The following INSR variants were observed in gnomAD, a reference collection of about 807,000 sequenced individuals.
INSR encodes the protein IR.
A neutral mutation model predicts 142.6 loss-of-function variants in INSR; 67 were observed. The observed-to-expected ratio is 0.47, with a 90% CI of 0.39 to 0.58. The LOEUF is 0.58. Among genes scored for constraint, INSR ranks in the 20% least tolerant of loss-of-function variants. INSR has a pLI of 0.00. For missense variants in INSR, 1,248 were observed against 1,833.2 expected (o/e 0.68, Z 5.83); for synonymous variants, 756 against 743.1 (o/e 1.02, Z -0.28).
chr19:7,268,017 G>A lies in INSR; in HGVS notation c.101-121C>T, dbSNP rs1967793690. ...AACCTGGGCCCTGTGTTTTCATCCC[G>A]GGCCCTGTAAACTCTGCAGCCAGCC... On this transcript the variant is annotated intron_variant, in intron 1 of 21. Coordinates refer to ENST00000302850, the MANE Select transcript of INSR (RefSeq NM_000208.4). 6 of 864,024 alleles carry A rather than the reference G, an allele frequency of 6.9e-6. 1 individual carries two copies. The highest frequency in any genetic ancestry group is 4.3e-5 in the South Asian group (3 of 69,282). 53.5% of individuals were successfully genotyped at this position (864,024 alleles called of 1,614,324 possible). A position where few individuals can be genotyped will look rare whatever the true frequency, so the allele number is the denominator to read the frequency against.
At chr19:7,256,204 A>T (rs1392635352) in intron 2 of INSR, among the ~76,000 whole-genome samples, 1 of 152,166 alleles carries the variant, frequency 6.6e-6, no homozygotes, top group African/African-American at 2.4e-5. Context: ...TTGGGAGGCC[A>T]AAGTGGGAGG....
Position 7,168,053 on chromosome 19 carries a change from A to C in INSR, c.1525T>G (p.Phe509Val), listed in dbSNP as rs766120185. ...LLKFSYIRTS[F>V]DKILLRWEPY... ...TCCCATCTCAGCAAGATCTTGTCAA[A>C]AGATGTCCGAATGTAAGAAAATTTA... is the stretch of plus-strand genomic sequence containing the variant. The change falls in exon 7 of 22, where the codon TTT becomes GTT. Residue 509 changes from phenylalanine to valine, a missense_variant. Phe to Val is a conservative substitution (Grantham distance 50). This residue lies in a region of INSR where 1,069 missense variants were observed against 1,654.0 expected (regional missense o/e 0.65). Coordinates refer to ENST00000302850, the MANE Select transcript of INSR (RefSeq NM_000208.4). This position sits in a 1 kb window ranked among gnomAD's most constrained non-coding sequence, Gnocchi z 4.3. 23 of 1,614,076 alleles carry C rather than the reference A, an allele frequency of 1.4e-5. No individual in the cohort carries two copies. Among genetic ancestry groups the C allele is most frequent in the Non-Finnish European group, 1.9e-5 (23 of 1,179,958 alleles).
chr19:7,187,590 T>G (rs1974463787), intron 2 of INSR, among the ~76,000 whole-genome samples: 1 of 152,272 alleles, frequency 6.6e-6, no homozygotes, highest in Non-Finnish European at 1.5e-5. Context: ...TTTGGGTGTG[T>G]GATGGGGTCT....
chr19:7,211,886 C>T (rs145507931), intron 2 of INSR, among the ~76,000 whole-genome samples: 9 of 142,750 alleles, frequency 6.3e-5, no homozygotes, highest in African/African-American at 1.5e-4. Flanking sequence ...ACGGGCTACA[C>T]GCCTTCTCCT....
chr19:7,233,058 A>C (rs1416516719), intron 2 of INSR, among the ~76,000 whole-genome samples: 2 of 151,984 alleles, frequency 1.3e-5, no homozygotes, highest in Non-Finnish European at 2.9e-5. Context: ...CCACCTCGCC[A>C]TCTCGGCTCA....
chr19:7,236,031 T>C (rs1976149566), intron 2 of INSR, among the ~76,000 whole-genome samples: 1 of 148,516 alleles, frequency 6.7e-6, no homozygotes, highest in African/African-American at 2.5e-5. Context: ...TGGAGTGCAG[T>C]GGTGCGATCT....
intron 2 of INSR, among the ~76,000 whole-genome samples, chr19:7,215,483 A>G (rs1459363512): frequency 6.6e-6 from 1 of 152,032 alleles, no homozygotes; most frequent in Non-Finnish European, 1.5e-5. Flanking sequence ...AAAGACAGAA[A>G]AAGACTCAAA....
Position 7,152,788 on chromosome 19 carries a change from C to T in INSR, c.2169G>A (p.Leu723=). The change falls in exon 10 of 22, where the codon CTG becomes CTA. Residue 723 remains leucine (L), a synonymous_variant. Coordinates refer to ENST00000302850, the MANE Select transcript of INSR (RefSeq NM_000208.4). The stretch of plus-strand genomic sequence containing the variant: ...ACGTCTTCCTAAACGAGGACTCCTC[C>T]AGCTCCTTCAGGATCTGAGAGTCTG... ...PKTDSQILKE[L]EESSFRKTFE... is the part of the protein sequence containing the mutation. 6.2e-7 allele frequency: 1 copy of T among 1,613,462 alleles called. No homozygotes were observed. The highest frequency in any genetic ancestry group is 8.5e-7 in the Non-Finnish European group (1 of 1,179,964).
At chr19:7,184,059 T>C (rs1974347182) in intron 3 of INSR, among the ~76,000 whole-genome samples, 1 of 67,480 alleles carries the variant, frequency 1.5e-5, no homozygotes, top group Non-Finnish European at 2.8e-5. Flanking sequence ...AGACTCCATC[T>C]CAAAAAAAAA....
chr19:7,136,207 G>A (rs1025442821), intron 13 of INSR, among the ~76,000 whole-genome samples: 3 of 152,050 alleles, frequency 2.0e-5, no homozygotes, highest in Admixed American at 2.0e-4. Flanking sequence ...TTTTGCCCTG[G>A]TACCAGGCTG....
rs770054302 is a variant in INSR, at chr19:7,192,640, C to G, written c.653-8003G>C. Among the ~76,000 whole-genome samples the G allele has an allele frequency of 6.6e-6, 1 of 152,206 alleles. No homozygotes were observed. ...AAATGCCAAACCGTCCGGGGGCTGT[C>G]ACTCCCTCACACCTGCACACAAGTG... On this transcript the variant is annotated intron_variant, in intron 2 of 21. Transcript: ENST00000302850. The surrounding 1 kb of genome is among the most constrained non-coding windows in gnomAD (Gnocchi z 4.2).
chr19:7,285,868 G>A (rs1273069869), intron 1 of INSR, among the ~76,000 whole-genome samples: 2 of 152,112 alleles, frequency 1.3e-5, no homozygotes, highest in Non-Finnish European at 2.9e-5. Flanking sequence ...ACAACAACGA[G>A]ACTGTTCTCT....
At chr19:7,264,916 C>T (rs934099) in intron 2 of INSR, among the ~76,000 whole-genome samples, 14,688 of 152,220 alleles carry the variant, frequency 0.096, 826 homozygotes, top group Middle Eastern at 0.16. Context: ...ATGCTGGGGG[C>T]TCCAAGGGAG....
intron 2 of INSR, among the ~76,000 whole-genome samples, chr19:7,217,808 C>G (rs534258503): frequency 6.6e-6 from 1 of 152,250 alleles, no homozygotes; most frequent in African/African-American, 2.4e-5. Context: ...ATCCACCCGC[C>G]TTGGCCTCCC....
intron 2 of INSR, among the ~76,000 whole-genome samples, chr19:7,238,670 C>T (rs111799344): frequency 0.15 from 22,285 of 148,308 alleles, 1,935 homozygotes; most frequent in Non-Finnish European, 0.19. Flanking sequence ...AAAGTGAACC[C>T]AGCCATGAGT....
chr19:7,197,578 GT>G (rs767510318), intron 2 of INSR, among the ~76,000 whole-genome samples: 6,193 of 19,496 alleles, frequency 0.32, 1,726 homozygotes, highest in African/African-American at 0.42. Context: ...GTGTGTTTGG[GT>G]GTGTGTGTGT....
At chr19:7,286,446 G>A (rs1011510577) in intron 1 of INSR, among the ~76,000 whole-genome samples, 1 of 151,812 alleles carries the variant, frequency 6.6e-6, no homozygotes, top group African/African-American at 2.4e-5. Flanking sequence ...GGAGTGCAGT[G>A]GCATGAATAT....
intron 14 of INSR, 135 bp downstream of exon 14, chr19:7,132,023 C>T (rs1406714908): frequency 9.3e-7 from 1 of 1,080,104 alleles, no homozygotes; most frequent in East Asian, 2.4e-5. Flanking sequence ...AGGGCAAGCA[C>T]CGCAGCAGCT....
chr19:7,275,760 C>T (rs1968046811), intron 1 of INSR, among the ~76,000 whole-genome samples: 1 of 150,228 alleles, frequency 6.7e-6, no homozygotes, highest in Admixed American at 6.7e-5. Flanking sequence ...ACACTCCAGC[C>T]TGGATGACAG....
Sources: gnomAD v4.1 joint callset for allele counts (sites outside exome capture counted in the v4.1 genomes callset) on GRCh38, gnomAD v4.1.1 for gene constraint, gnomAD v4.1.1 regional missense constraint, Gnocchi (gnomAD v3.1) non-coding constraint, MANE v1.5 for transcripts, NCBI Gene and HGNC (gene_info 2026-07-23, HGNC 2026-07-21) for gene names.